Variants in DGKQ observed in about 807,000 individuals in gnomAD.
The protein encoded by DGKQ is diacylglycerol kinase theta, also known as DAG kinase theta.
A neutral mutation model predicts 104.2 loss-of-function variants in DGKQ; 97 were observed. That is an observed-to-expected ratio of 0.93 (90% CI 0.79 to 1.10). The LOEUF (loss-of-function observed/expected upper bound fraction) is 1.10, where lower values mean the gene tolerates loss of function less well. DGKQ is among the 50% of genes least tolerant of loss of function. The pLI, the probability that DGKQ is intolerant of heterozygous loss-of-function variation, is 0.00. For synonymous variants in DGKQ, 736 were observed against 595.2 expected (o/e 1.24, Z -3.44); for missense variants, 1,465 against 1,352.1 (o/e 1.08, Z -1.31).
At chr4:960,995 T>G (rs1711842743) in intron 22 of DGKQ, 54 bp downstream of exon 22, 7 of 1,597,736 alleles carry the variant, frequency 4.4e-6, no homozygotes, top group Middle Eastern at 1.7e-4. Context: ...GCCACTCCCA[T>G]GGCCGGCCCA....
At position 960,936 on chromosome 4, in the gene DGKQ, G is replaced by A. The variant is rs1045580203; in HGVS notation, c.2727+113C>T. ...TGAAGCAGGCACCCTCCCGGAGTCA[G>A]TGCTCCCTGGCCGCAGCCGGCCATG... is the stretch of plus-strand genomic sequence containing the variant. On this transcript the variant is annotated intron_variant, in intron 22 of 22. Coordinates refer to ENST00000273814, the MANE Select transcript of DGKQ (RefSeq NM_001347.4). 4.6e-6 allele frequency: 7 copies of A among 1,529,432 alleles called. No homozygotes were observed. The African/African-American group carries it at 6.9e-5, about 15-fold the overall frequency. The allele number at this position is 1,529,432 out of a possible 1,614,324, so 94.7% of individuals were successfully genotyped here.
In DGKQ at chr4:961,211, G is replaced by C. The variant is rs750287277; in HGVS notation, c.2575-10C>G. 6.5e-7 allele frequency: 1 copy of C among 1,541,462 alleles called. No homozygotes were observed. Among genetic ancestry groups the C allele is most frequent in the Non-Finnish European group, 8.7e-7 (1 of 1,145,242 alleles). On this transcript the variant is annotated splice_polypyrimidine_tract_variant and intron_variant, in intron 21 of 22. Coordinates refer to ENST00000273814, the MANE Select transcript of DGKQ (RefSeq NM_001347.4). ...CACCCTGGACCTGGCCCTGGGGCGG[G>C]AGAGGCCAGCCGGGCTCAGCGGGGA... is the stretch of plus-strand genomic sequence containing the variant.
chr4:960,940 TC>T, intron 22 of DGKQ, 108 bp downstream of exon 22: 1 of 1,533,742 alleles, frequency 6.5e-7, no homozygotes, highest in Non-Finnish European at 8.8e-7. Context: ...GAGTCAGTGC[TC>T]CCTGGCCGCA....
chr4:963,556 C>A (rs979847573), intron 15 of DGKQ, among the ~76,000 whole-genome samples: 1 of 152,218 alleles, frequency 6.6e-6, no homozygotes, highest in Non-Finnish European at 1.5e-5. Flanking sequence ...TCAGACCTGC[C>A]CACTGAGCTG....
Position 968,020 on chromosome 4 carries a change from G to T in DGKQ, c.671C>A (p.Ser224Tyr), listed in dbSNP as rs1302195596. The change falls in exon 6 of 23, where the codon TCC (serine) becomes TAC (tyrosine). Residue 224 changes from serine (S) to tyrosine (Y), a missense_variant. Coordinates refer to ENST00000273814, the MANE Select transcript of DGKQ (RefSeq NM_001347.4). Reference protein sequence around the residue: ...RCEWCGVQAHSLCSAALAPEC... With the variant: ...RCEWCGVQAHYLCSAALAPEC... ...GGGAGCCAGCGCCGCGGAGCAGAGGGAGTGCGCCTGGGGGGAGAAGGGCCT... is the reference window on the plus strand; with the variant it reads ...GGGAGCCAGCGCCGCGGAGCAGAGGTAGTGCGCCTGGGGGGAGAAGGGCCT... The T allele has an allele frequency of 7.0e-7, 1 of 1,434,484 alleles. No individual in the cohort carries two copies. The highest frequency in any genetic ancestry group is 9.1e-7 in the Non-Finnish European group (1 of 1,103,054). The allele number at this position is 1,434,484 out of a possible 1,614,324, so 88.9% of individuals were successfully genotyped here. A position where few individuals can be genotyped will look rare whatever the true frequency, so the allele number is the denominator to read the frequency against.
chr4:972,538 G>C (rs1560522673), intron 1 of DGKQ, among the ~76,000 whole-genome samples: 1 of 149,176 alleles, frequency 6.7e-6, no homozygotes, highest in Non-Finnish European at 1.5e-5. Context: ...CTCCGGTCCT[G>C]TCCCTCGCTC....
At position 964,838 on chromosome 4, in the gene DGKQ, G is replaced by A. The variant is rs2242082; in HGVS notation, c.1734+338C>T. ...GGGGCCCGGCACATCCAGGAGCTGCGTCCTGTGGGCCTCCCTACTGGGTGG... is the reference window on the plus strand; with the variant it reads ...GGGGCCCGGCACATCCAGGAGCTGCATCCTGTGGGCCTCCCTACTGGGTGG... On this transcript the variant is annotated intron_variant, in intron 15 of 22. Transcript: ENST00000273814. Among the ~76,000 whole-genome samples, 213 of 152,228 alleles carry A rather than the reference G, an allele frequency of 1.4e-3. 1 individual carries two copies. Among genetic ancestry groups the A allele is most frequent in the East Asian group, 5.8e-3 (30 of 5,172 alleles).
intron 1 of DGKQ, among the ~76,000 whole-genome samples, chr4:972,266 G>C (rs1712988691): frequency 6.6e-6 from 1 of 152,128 alleles, no homozygotes; most frequent in Non-Finnish European, 1.5e-5. Context: ...GAAGCCCCTG[G>C]CATCCCCAGG....
Position 967,730 on chromosome 4 carries a change from G to C in DGKQ, c.884C>G (p.Ser295Cys), listed in dbSNP as rs767921398. The C allele has an allele frequency of 1.2e-6, 2 of 1,611,216 alleles. No homozygotes were observed. Among genetic ancestry groups the C allele is most frequent in the African/African-American group, 2.7e-5 (2 of 74,924 alleles). Residue 295 changes from serine to cysteine, a missense_variant and splice_region_variant, in exon 7 of 23, where the codon TCC becomes TGC. Transcript: ENST00000273814. ...GGGGGAATGAGGCGGGCACTTACCG[G>C]ACTCCGGAGTTGCCTGTGTCTCTCT... The part of the protein sequence containing the change: ...PGRETQATPE[S>C]GKQTLKIFDG...
intron 8 of DGKQ, 77 bp downstream of exon 8, chr4:967,472 A>C: frequency 1.3e-6 from 2 of 1,494,416 alleles, no homozygotes; most frequent in Non-Finnish European, 1.8e-6. Context: ...AGGTTGGGGG[A>C]GCCAGGTCAG....
chr4:963,476 C>A (rs1560512233), intron 15 of DGKQ, among the ~76,000 whole-genome samples, 186 bp from the exon 16 acceptor site: 1 of 152,234 alleles, frequency 6.6e-6, no homozygotes, highest in Non-Finnish European at 1.5e-5. Flanking sequence ...GTCACCCCAT[C>A]TCGCTGCTGG....
chr4:966,419 G>C, intron 12 of DGKQ, 47 bp downstream of exon 12: 4 of 1,595,894 alleles, frequency 2.5e-6, no homozygotes, highest in Non-Finnish European at 3.4e-6. Flanking sequence ...AGAGGCTGTG[G>C]CTGAGGGCTG....
At position 961,180 on chromosome 4, in the gene DGKQ, G is replaced by C. The variant is rs376714052; in HGVS notation, c.2596C>G (p.Arg866Gly). 11 of 1,583,290 alleles carry C rather than the reference G, an allele frequency of 6.9e-6. No individual in the cohort carries two copies. The highest frequency in any genetic ancestry group is 9.4e-6 in the Non-Finnish European group (11 of 1,165,318). ...CCCTGGGCAATCCGGATTCCGGAGC[G>C]CAGCCCACCCTGGACCTGGCCCTGG... ...VHMGQVQGGLRSGIRIAQGSY... is the reference protein window; with the variant it reads ...VHMGQVQGGLGSGIRIAQGSY... The change falls in exon 22 of 23, where the codon CGC becomes GGC. Residue 866 changes from arginine to glycine, a missense_variant. By Grantham distance (125) the Arg-to-Gly change is moderately radical. Coordinates refer to ENST00000273814, the MANE Select transcript of DGKQ (RefSeq NM_001347.4).
chr4:963,388 C>T, intron 15 of DGKQ, 98 bp from the exon 16 acceptor site: 1 of 1,218,724 alleles, frequency 8.2e-7, no homozygotes, highest in Non-Finnish European at 1.1e-6. Flanking sequence ...CCTGAGCCCA[C>T]CTGGCTTGGA....
chr4:967,905 G>A lies in DGKQ; in HGVS notation c.786C>T (p.Phe262=). The A allele has an allele frequency of 6.9e-7, 1 of 1,456,584 alleles. No homozygotes were observed. Among genetic ancestry groups the A allele is most frequent in the Non-Finnish European group, 9.0e-7 (1 of 1,112,792 alleles). 90.2% of individuals were successfully genotyped at this position (1,456,584 alleles called of 1,614,324 possible). The stretch of plus-strand genomic sequence containing the variant: ...CCGGCTCCGCGGCCTCCACGATGCG[G>A]AAGCTCTGCGTCTTGCTGAAGCCGC... ...LPGGFSKTQS[F]RIVEAAEPGE... Residue 262 remains phenylalanine (F), a synonymous_variant, in exon 6 of 23, where the codon TTC becomes TTT. Transcript: ENST00000273814.
intron 22 of DGKQ, 53 bp from the exon 23 acceptor site, chr4:960,774 G>C: frequency 6.3e-7 from 1 of 1,594,502 alleles, no homozygotes; most frequent in Middle Eastern, 1.7e-4. Flanking sequence ...ATGAAAGAAC[G>C]GTACACGGGC....
rs189988951 is a variant in DGKQ, at chr4:971,296, A to C, written c.272-224T>G. ...GTGGTCCTGACCATCCTGGAGGACA[A>C]TGAGTGTATCCTCTCATCCAGAGAG... On this transcript the variant is annotated intron_variant, in intron 1 of 22. Transcript: ENST00000273814. This position sits in a 1 kb window ranked among gnomAD's most constrained non-coding sequence, Gnocchi z 4.0. Among the ~76,000 whole-genome samples the C allele has an allele frequency of 1.3e-3, 205 of 152,284 alleles. No individual in the cohort carries two copies. Among genetic ancestry groups the C allele is most frequent in the African/African-American group, 4.3e-3 (179 of 41,540 alleles).
chr4:966,319 C>T, intron 12 of DGKQ, 147 bp downstream of exon 12: 1 of 946,174 alleles, frequency 1.1e-6, no homozygotes, highest in Non-Finnish European at 1.6e-6. Flanking sequence ...GACCAAGTAG[C>T]TCATGACGAG....
At position 971,352 on chromosome 4, in the gene DGKQ, ACTC is replaced by A. The variant is rs200160177; in HGVS notation, c.272-283_272-281del. 0.022 allele frequency among the ~76,000 whole-genome samples: 3,354 copies of A among 151,774 alleles called. 57 individuals are homozygous for A. Among genetic ancestry groups the A allele is most frequent in the Non-Finnish European group, 0.031 (2,098 of 67,898 alleles). On this transcript the variant is annotated intron_variant, in intron 1 of 22. Transcript: ENST00000273814. The surrounding 1 kb of genome is among the most constrained non-coding windows in gnomAD (Gnocchi z 4.0). ...CCTCCCCTTCGCACGTAGGCCCAGC[ACTC>A]CTCCTGCCTCTGCAGTTGGGCCTCT... is the stretch of plus-strand genomic sequence containing the variant.
Sources: gnomAD v4.1 joint callset for allele counts (sites outside exome capture counted in the v4.1 genomes callset) on GRCh38, gnomAD v4.1.1 for gene constraint, Gnocchi (gnomAD v3.1) non-coding constraint, MANE v1.5 for transcripts, NCBI Gene and HGNC (gene_info 2026-07-23, HGNC 2026-07-21) for gene names.